Variants in SOX5 observed in about 807,000 individuals in gnomAD.
SOX5 encodes SRY-box transcription factor 5, also known as transcription factor SOX-5.
In SOX5, 9 loss-of-function variants were observed where a neutral mutation model predicts 92.0. That is an observed-to-expected ratio of 0.10 (90% CI 0.06 to 0.17). The LOEUF is 0.17. Among genes scored for constraint, SOX5 ranks in the 10% least tolerant of loss-of-function variants. The pLI, the probability that SOX5 is intolerant of heterozygous loss-of-function variation, is 1.00. For synonymous variants in SOX5, 344 were observed against 336.3 expected (o/e 1.02, Z -0.25); for missense variants, 642 against 944.5 (o/e 0.68, Z 4.20).
chr12:24,047,617 A>G (rs563611442), intron 4 of SOX5, among the ~76,000 whole-genome samples: 4 of 152,312 alleles, frequency 2.6e-5, no homozygotes, highest in African/African-American at 7.2e-5. Flanking sequence ...GCATTACCAC[A>G]TGGGATCAGC....
chr12:23,661,342 C>T (rs2083023103), intron 7 of SOX5, among the ~76,000 whole-genome samples: 1 of 152,144 alleles, frequency 6.6e-6, no homozygotes, highest in African/African-American at 2.4e-5. Flanking sequence ...AAAATATGTA[C>T]TCTAAAGAAA....
At chr12:24,483,861 A>G (rs887151109) in intron 1 of SOX5, among the ~76,000 whole-genome samples, 48 of 152,212 alleles carry the variant, frequency 3.2e-4, no homozygotes, top group African/African-American at 1.1e-3. Flanking sequence ...TCTCAAAACA[A>G]CACGTGAAGT....
intron 1 of SOX5, among the ~76,000 whole-genome samples, chr12:24,382,713 T>G (rs1167050004): frequency 6.6e-6 from 1 of 152,040 alleles, no homozygotes; most frequent in South Asian, 2.1e-4. Flanking sequence ...AGACAGGAAA[T>G]AGCGGAGGTG....
intron 1 of SOX5, among the ~76,000 whole-genome samples, chr12:24,527,430 T>G (rs1364146749): frequency 2.0e-5 from 3 of 152,342 alleles, no homozygotes; most frequent in Middle Eastern, 3.4e-3. Flanking sequence ...TTAAAACTTG[T>G]TGTGCCAATG....
chr12:23,564,648 A>T (rs1479897935), intron 10 of SOX5, among the ~76,000 whole-genome samples: 1 of 152,222 alleles, frequency 6.6e-6, no homozygotes, highest in Non-Finnish European at 1.5e-5. Flanking sequence ...CTGCCAAAAC[A>T]CGCTATTAAA....
In SOX5 at chr12:24,265,977, T is replaced by C. The variant is rs141299269; in HGVS notation, c.-77+11239A>G. Reference sequence around the variant, plus strand: ...GTGCAGTGGCATGATCATGGCTCACTGCAGTCTTGATCTCCTGAGGAGCTG... The same window carrying C: ...GTGCAGTGGCATGATCATGGCTCACCGCAGTCTTGATCTCCTGAGGAGCTG... On this transcript the variant is annotated intron_variant, in intron 3 of 4. Coordinates refer to the SOX5 transcript ENST00000446891. Among the ~76,000 whole-genome samples, 274 of 152,202 alleles carry C rather than the reference T, an allele frequency of 1.8e-3. 3 individuals carry two copies. Among genetic ancestry groups the C allele is most frequent in the African/African-American group, 5.9e-3 (247 of 41,516 alleles).
intron 3 of SOX5, among the ~76,000 whole-genome samples, chr12:23,777,912 C>T (rs1052174062): frequency 6.6e-6 from 1 of 152,182 alleles, no homozygotes; most frequent in African/African-American, 2.4e-5. Context: ...TAGCATGGCT[C>T]TCATGGTTTG....
chr12:23,626,841 C>T (rs902342599), intron 8 of SOX5, among the ~76,000 whole-genome samples: 1 of 152,004 alleles, frequency 6.6e-6, no homozygotes, highest in African/African-American at 2.4e-5. Context: ...ACCCTTAATC[C>T]ATTTATGCCA....
At chr12:24,159,093 C>T (rs1252982888) in intron 4 of SOX5, among the ~76,000 whole-genome samples, 3 of 151,840 alleles carry the variant, frequency 2.0e-5, no homozygotes, top group African/African-American at 7.2e-5. Flanking sequence ...ATATCATGTG[C>T]ATAGGAATTT....
chr12:23,703,696 A>G (rs1377195672), intron 6 of SOX5, among the ~76,000 whole-genome samples: 2 of 151,130 alleles, frequency 1.3e-5, no homozygotes, highest in East Asian at 1.9e-4. Context: ...TTCAAGCTAC[A>G]TATCAAAAGC....
At chr12:24,183,417 T>C (rs1955705821) in intron 4 of SOX5, among the ~76,000 whole-genome samples, 1 of 152,204 alleles carries the variant, frequency 6.6e-6, no homozygotes, top group Non-Finnish European at 1.5e-5. Context: ...TCCCCACAGC[T>C]AAGTTTATTA....
At chr12:23,861,164 C>T (rs919012828) in intron 2 of SOX5, among the ~76,000 whole-genome samples, 5 of 152,046 alleles carry the variant, frequency 3.3e-5, no homozygotes, top group African/African-American at 9.7e-5. Flanking sequence ...ACGGAAGCAA[C>T]TTTCCCTTAG....
chr12:24,352,427 G>T (rs1954201375), intron 2 of SOX5, among the ~76,000 whole-genome samples: 1 of 152,110 alleles, frequency 6.6e-6, no homozygotes, highest in Non-Finnish European at 1.5e-5. Flanking sequence ...CAACAGCGGG[G>T]TCCCACAGGT....
At chr12:24,538,847 A>G (rs571185040) in intron 1 of SOX5, among the ~76,000 whole-genome samples, 1 of 152,258 alleles carries the variant, frequency 6.6e-6, no homozygotes, top group South Asian at 2.1e-4. Flanking sequence ...TTCTAAATCT[A>G]TCTTTATCAA....
chr12:24,079,880 G>A (rs1943116233), intron 4 of SOX5, among the ~76,000 whole-genome samples: 2 of 151,898 alleles, frequency 1.3e-5, no homozygotes, highest in African/African-American at 2.4e-5. Flanking sequence ...GATTAAACAA[G>A]TGTAGCACAT....
At chr12:24,106,501 A>G (rs757281028) in intron 4 of SOX5, among the ~76,000 whole-genome samples, 15 of 152,284 alleles carry the variant, frequency 9.9e-5, no homozygotes, top group Non-Finnish European at 1.9e-4. Flanking sequence ...GTTAAAAATA[A>G]TAAGAGAAGC....
At chr12:24,331,848 C>CAAAAAAAAAAAAAAAAAAAAAAA in intron 2 of SOX5, among the ~76,000 whole-genome samples, 2 of 31,660 alleles carry the variant, frequency 6.3e-5, no homozygotes, top group Non-Finnish European at 1.0e-4. Flanking sequence ...AAGACTGTCT[C>CAAAAAAAAAAAAAAAAAAAAAAA]AAAAAAAAAA....
At chr12:24,294,131 C>T (rs1298882397) in intron 2 of SOX5, among the ~76,000 whole-genome samples, 1 of 152,198 alleles carries the variant, frequency 6.6e-6, no homozygotes, top group African/African-American at 2.4e-5. Flanking sequence ...AGGGACCCCA[C>T]AGAATTAGAT....
At chr12:23,588,245 A>G (rs927320995) in intron 9 of SOX5, among the ~76,000 whole-genome samples, 5 of 152,022 alleles carry the variant, frequency 3.3e-5, no homozygotes, top group Non-Finnish European at 7.4e-5. Flanking sequence ...AAATTCAAAT[A>G]AAGATGAGAA....
Sources: allele counts gnomAD v4.1 joint callset (sites outside exome capture counted in the v4.1 genomes callset), GRCh38; gene constraint gnomAD v4.1.1; transcripts MANE v1.5; gene names NCBI Gene and HGNC (gene_info 2026-07-23, HGNC 2026-07-21).